Variants in KIF13A observed in about 807,000 individuals in gnomAD.
The protein encoded by KIF13A is kinesin family member 13A, also known as kinesin-like protein KIF13A.
A neutral mutation model predicts 212.2 loss-of-function variants in KIF13A; 79 were observed. The observed-to-expected ratio is 0.37, with a 90% CI of 0.31 to 0.45. The LOEUF is 0.45. KIF13A is among the 20% of genes least tolerant of loss of function. The pLI is 1.00. For synonymous variants in KIF13A, 789 were observed against 808.6 expected, an observed-to-expected ratio of 0.98 and a Z score of 0.41; for missense variants, 1,901 against 2,209.0, an observed-to-expected ratio of 0.86 and a Z score of 2.79.
At position 17,886,587 on chromosome 6, in the gene KIF13A, G is replaced by A. The variant is rs962516405; in HGVS notation, c.159+11581C>T. ...TATACTCCATGTGACCTGGTACTCC[G>A]TCAGTGGTACTGTAGACATCTAAAG... On this transcript the variant is annotated intron_variant, in intron 3 of 38. Transcript: ENST00000259711. This position sits in a 1 kb window ranked among gnomAD's most constrained non-coding sequence, Gnocchi z 5.6. Among the ~76,000 whole-genome samples, 3 of 152,102 alleles carry A rather than the reference G, an allele frequency of 2.0e-5. No individual in the cohort carries two copies. Among genetic ancestry groups the A allele is most frequent in the African/African-American group, 4.8e-5 (2 of 41,416 alleles).
intron 17 of KIF13A, among the ~76,000 whole-genome samples, chr6:17,814,404 G>T (rs1763734345): frequency 6.6e-6 from 1 of 151,240 alleles, no homozygotes; most frequent in African/African-American, 2.4e-5. Flanking sequence ...GCCCACGACC[G>T]CACCTGACTT....
chr6:17,907,032 ATAG>A (rs1040490797), intron 2 of KIF13A, among the ~76,000 whole-genome samples: 2 of 152,240 alleles, frequency 1.3e-5, no homozygotes, highest in Admixed American at 1.3e-4. Context: ...ACCTGGTCAT[ATAG>A]TATATGTCTG....
chr6:17,921,407 T>C (rs1775056311), intron 2 of KIF13A, among the ~76,000 whole-genome samples: 1 of 152,220 alleles, frequency 6.6e-6, no homozygotes, highest in Admixed American at 6.5e-5. Flanking sequence ...CAGTCTTCAC[T>C]TTATGAAGGA....
intron 4 of KIF13A, among the ~76,000 whole-genome samples, chr6:17,870,617 G>T (rs1211069360): frequency 6.6e-6 from 1 of 152,052 alleles, no homozygotes; most frequent in Non-Finnish European, 1.5e-5. Flanking sequence ...CACTCCAATA[G>T]CCCCTATTTT....
rs1224391187 is a variant in KIF13A, at chr6:17,914,563, C to A, written c.147-16383G>T. Among the ~76,000 whole-genome samples the A allele has an allele frequency of 6.6e-6, 1 of 152,042 alleles. No individual in the cohort carries two copies. Among genetic ancestry groups the A allele is most frequent in the Non-Finnish European group, 1.5e-5 (1 of 67,996 alleles). Reference sequence around the variant, plus strand: ...GACATTATTTTATGAAATCACTATCCACCAATAACGGATCCTCAGCCCTTT... The same window carrying A: ...GACATTATTTTATGAAATCACTATCAACCAATAACGGATCCTCAGCCCTTT... On this transcript the variant is annotated intron_variant, in intron 2 of 38. Transcript: ENST00000259711. This position sits in a 1 kb window ranked among gnomAD's most constrained non-coding sequence, Gnocchi z 5.9.
chr6:17,898,851 C>T lies in KIF13A; in HGVS notation c.147-671G>A, dbSNP rs1203495039. ...GAAATAGTTTTCTTTCTTTTTTTCT[C>T]CAGAGATGGGGTCTCACTTGGTTGT... On this transcript the variant is annotated intron_variant, in intron 2 of 38. Coordinates refer to ENST00000259711, the MANE Select transcript of KIF13A (RefSeq NM_022113.6). This position sits in a 1 kb window ranked among gnomAD's most constrained non-coding sequence, Gnocchi z 5.2. Among the ~76,000 whole-genome samples, 1 of 151,912 alleles carries T rather than the reference C, an allele frequency of 6.6e-6. No individual in the cohort carries two copies. Among genetic ancestry groups the T allele is most frequent in the Non-Finnish European group, 1.5e-5 (1 of 67,964 alleles).
chr6:17,879,199 T>C (rs1209910921), intron 3 of KIF13A, among the ~76,000 whole-genome samples: 1 of 152,216 alleles, frequency 6.6e-6, no homozygotes, highest in Non-Finnish European at 1.5e-5. Context: ...CATACGGTCC[T>C]GTTTTATGCC....
chr6:17,981,900 T>C (rs983684200), intron 2 of KIF13A, among the ~76,000 whole-genome samples: 22 of 152,198 alleles, frequency 1.4e-4, no homozygotes, highest in Admixed American at 2.6e-4. Flanking sequence ...TTTAAATTTC[T>C]GGTCTACAGA....
At chr6:17,778,677 G>A (rs1012217404) in intron 33 of KIF13A, among the ~76,000 whole-genome samples, 3 of 152,118 alleles carry the variant, frequency 2.0e-5, no homozygotes, top group Non-Finnish European at 4.4e-5. Flanking sequence ...GATTTCAACA[G>A]TACTTACCTC....
In KIF13A at chr6:17,798,929, A is replaced by G. The variant is rs116695753; in HGVS notation, c.2790+337T>C. ...GATCCCACTTTTGCATAGCATTTTT[A>G]AAGAACTTATGTGTGCATGATGTAA... is the stretch of plus-strand genomic sequence containing the variant. On this transcript the variant is annotated intron_variant, in intron 22 of 38. Transcript: ENST00000259711. Among the ~76,000 whole-genome samples the G allele has an allele frequency of 8.0e-3, 1,222 of 152,322 alleles. 20 individuals are homozygous for G. Among genetic ancestry groups the G allele is most frequent in the African/African-American group, 0.028 (1,180 of 41,568 alleles).
In KIF13A at chr6:17,789,382, T is replaced by C. The variant is rs189033129; in HGVS notation, c.3261+490A>G. 2.0e-4 allele frequency among the ~76,000 whole-genome samples: 30 copies of C among 152,312 alleles called. No individual in the cohort carries two copies. Among genetic ancestry groups the C allele is most frequent in the African/African-American group, 6.7e-4 (28 of 41,574 alleles). On this transcript the variant is annotated intron_variant, in intron 26 of 38. Transcript: ENST00000259711. This position sits in a 1 kb window ranked among gnomAD's most constrained non-coding sequence, Gnocchi z 4.8. ...CAATTTTCCTATTCAGCAAAAGTCTTGTAAAGTAAAATGGCATATTACAAC... is the reference window on the plus strand; with the variant it reads ...CAATTTTCCTATTCAGCAAAAGTCTCGTAAAGTAAAATGGCATATTACAAC...
At chr6:17,781,966 C>CAAA (rs1760630897) in intron 29 of KIF13A, among the ~76,000 whole-genome samples, 1 of 151,748 alleles carries the variant, frequency 6.6e-6, no homozygotes, top group African/African-American at 2.4e-5. Flanking sequence ...AGATGGAGTC[C>CAAA]CGCTCTGTAG....
In KIF13A at chr6:17,771,253, CA is replaced by C; in HGVS notation, c.4477-36del. Reference sequence around the variant, plus strand: ...TTAAGACACACAGATGCATCACACACAAAGACGACAACGGCCAAAATACATA... The same window carrying C: ...TTAAGACACACAGATGCATCACACACAAGACGACAACGGCCAAAATACATA... On this transcript the variant is annotated intron_variant, in intron 37 of 38. Coordinates refer to ENST00000259711, the MANE Select transcript of KIF13A (RefSeq NM_022113.6). The surrounding 1 kb of genome is among the most constrained non-coding windows in gnomAD (Gnocchi z 5.4). 1 of 1,405,570 alleles carries C rather than the reference CA, an allele frequency of 7.1e-7. No individual in the cohort carries two copies. The highest frequency in any genetic ancestry group is 1.0e-6 in the Non-Finnish European group (1 of 998,642). The allele number at this position is 1,405,570 out of a possible 1,614,324, so 87.1% of individuals were successfully genotyped here.
intron 2 of KIF13A, among the ~76,000 whole-genome samples, chr6:17,979,931 AAAAAT>A (rs1240516955): frequency 1.3e-5 from 2 of 152,174 alleles, no homozygotes; most frequent in Non-Finnish European, 2.9e-5. Flanking sequence ...AGTAAAAAGA[AAAAAT>A]AAAACCATCA....
At chr6:17,824,783 A>C (rs1193864274) in intron 16 of KIF13A, among the ~76,000 whole-genome samples, 1 of 147,602 alleles carries the variant, frequency 6.8e-6, no homozygotes, top group Non-Finnish European at 1.5e-5. Flanking sequence ...AAAAAAAACA[A>C]AACACCAAAA....
rs1764863474 is a variant in KIF13A at position 17,825,239 on chromosome 6, CAAAT to C, written c.1786+525_1786+528del. Among the ~76,000 whole-genome samples, 1 of 152,098 alleles carries C rather than the reference CAAAT, an allele frequency of 6.6e-6. No homozygotes were observed. Among genetic ancestry groups the C allele is most frequent in the South Asian group, 2.1e-4 (1 of 4,830 alleles). On this transcript the variant is annotated intron_variant, in intron 16 of 38. Transcript: ENST00000259711. The surrounding 1 kb of genome is among the most constrained non-coding windows in gnomAD (Gnocchi z 4.5). The stretch of plus-strand genomic sequence containing the variant: ...TTTAGATGTGAAACTTGGTATAAGT[CAAAT>C]AAAGAGGCTATAAAGCATTTCATTT...
At chr6:17,854,446 T>C (rs1767953834) in intron 6 of KIF13A, among the ~76,000 whole-genome samples, 1 of 152,094 alleles carries the variant, frequency 6.6e-6, no homozygotes, top group South Asian at 2.1e-4. Flanking sequence ...CCTTAGTGAT[T>C]ATTTTTGAAT....
rs544839356 is a variant in KIF13A at position 17,799,359 on chromosome 6, A to G, written c.2697T>C (p.Cys899=). The change falls in exon 22 of 39, where the codon TGT becomes TGC. Residue 899 remains cysteine, a synonymous_variant. Transcript: ENST00000259711. This position sits in a 1 kb window ranked among gnomAD's most constrained non-coding sequence, Gnocchi z 4.4. The part of the protein sequence containing the change: ...VFCQYTFWDQ[C]ESTVAAPVVD... ...CCACCGGGGCAGCCACCGTAGACTC[A>G]CACTGGTCCCAGAATGTGTATTGAC... The G allele has an allele frequency of 1.2e-6, 2 of 1,612,890 alleles. No homozygotes were observed. Among genetic ancestry groups the G allele is most frequent in the South Asian group, 2.2e-5 (2 of 90,776 alleles).
At position 17,835,195 on chromosome 6, in the gene KIF13A, C is replaced by CAAAAAAAA. The variant is rs61697144; in HGVS notation, c.1156-1132_1156-1125dup. Reference sequence around the variant, plus strand: ...AGAGACTCTGTCCACCCGCCCCCGCCAAAAAAAAAAAAAAAAAAAAAAAAA... The same window carrying CAAAAAAAA: ...AGAGACTCTGTCCACCCGCCCCCGCCAAAAAAAAAAAAAAAAAAAAAAAAAAAAAAAAA... On this transcript the variant is annotated intron_variant, in intron 11 of 38. Transcript: ENST00000259711. Among the ~76,000 whole-genome samples, 18 of 45,948 alleles carry CAAAAAAAA rather than the reference C, an allele frequency of 3.9e-4. 1 individual carries two copies. The highest frequency in any genetic ancestry group is 5.6e-4 in the African/African-American group (8 of 14,398). 30.1% of individuals were successfully genotyped at this position (45,948 alleles called of 152,430 possible). A position where few individuals can be genotyped will look rare whatever the true frequency, so the allele number is the denominator to read the frequency against.
Sources: gnomAD v4.1 joint callset for allele counts (sites outside exome capture counted in the v4.1 genomes callset) on GRCh38, gnomAD v4.1.1 for gene constraint, Gnocchi (gnomAD v3.1) non-coding constraint, MANE v1.5 for transcripts, NCBI Gene and HGNC (gene_info 2026-07-23, HGNC 2026-07-21) for gene names.